The following NCOA2 variants were observed in gnomAD, a reference collection of about 807,000 sequenced individuals.
The protein encoded by NCOA2 is class E basic helix-loop-helix protein 75.
Under a neutral mutation model 145.1 loss-of-function variants are expected in NCOA2, and 21 were observed. That is an observed-to-expected ratio of 0.14 (90% CI 0.10 to 0.21). The LOEUF (loss-of-function observed/expected upper bound fraction) is 0.21. NCOA2 is among the 10% of genes least tolerant of loss of function. The pLI is 1.00. For missense variants in NCOA2, 1,472 were observed against 1,837.6 expected (o/e 0.80, Z 3.64); for synonymous variants, 619 against 637.5 (o/e 0.97, Z 0.44).
Position 70,144,790 on chromosome 8 carries a change from T to C in NCOA2, c.2664A>G (p.Pro888=), listed in dbSNP as rs1469406725. 1 of 1,613,942 alleles carries C rather than the reference T, an allele frequency of 6.2e-7. No individual in the cohort carries two copies. The highest frequency in any genetic ancestry group is 1.1e-5 in the South Asian group (1 of 91,080). ...LGRLLPNQNL[P]LDITLQSPTG... is the part of the protein sequence containing the mutation. ...TTGGGCTTTGCAATGTGATGTCAAG[T>C]GGTAAATTCTGGTTTGGCAATAACC... The change falls in exon 13 of 23, where the codon CCA becomes CCG. Residue 888 remains proline, a synonymous_variant. Coordinates refer to ENST00000452400, the MANE Select transcript of NCOA2 (RefSeq NM_006540.4).
intron 22 of NCOA2, among the ~76,000 whole-genome samples, chr8:70,114,414 G>T (rs995159472): frequency 1.3e-5 from 2 of 152,184 alleles, no homozygotes; most frequent in Non-Finnish European, 2.9e-5. Context: ...AAATTATGTG[G>T]CGTTGTTTCT....
the NCOA2 span, among the ~76,000 whole-genome samples, chr8:70,436,841 A>G: frequency 6.6e-6 from 1 of 152,238 alleles, no homozygotes; most frequent in African/African-American, 2.4e-5. Flanking sequence ...CGACACAGGT[A>G]TGACCACCGT....
chr8:70,248,979 C>T (rs555545325), intron 2 of NCOA2, among the ~76,000 whole-genome samples: 41 of 152,088 alleles, frequency 2.7e-4, no homozygotes, highest in African/African-American at 9.6e-4. Context: ...TTGTGATGAA[C>T]AGAATTCTGA....
At chr8:70,126,650 C>G in intron 19 of NCOA2, 163 bp downstream of exon 19, 1 of 650,318 alleles carries the variant, frequency 1.5e-6, no homozygotes, top group Non-Finnish European at 2.7e-6. Flanking sequence ...TTGGGGACTC[C>G]TCACAGGCCC....
the NCOA2 span, among the ~76,000 whole-genome samples, chr8:70,423,792 T>C: frequency 2.6e-5 from 4 of 152,070 alleles, no homozygotes; most frequent in East Asian, 1.9e-4. Flanking sequence ...TAAAATTGGG[T>C]TCAATCCACC....
At chr8:70,456,239 C>T in the NCOA2 span, among the ~76,000 whole-genome samples, 1 of 152,094 alleles carries the variant, frequency 6.6e-6, no homozygotes. Context: ...TTCTACACGT[C>T]TAAACTTCGA....
Position 70,121,363 on chromosome 8 carries a change from T to A in NCOA2, c.4322A>T (p.Asn1441Ile). 6.2e-7 allele frequency: 1 copy of A among 1,612,672 alleles called. No homozygotes were observed. The part of the protein sequence containing the change: ...QVNDPALRGG[N>I]LFPNQLPGMD... ...TCCAGGCAGCTGGTTTGGGAACAGG[T>A]TGCCTCCCCTCAGAGCAGGATCATT... Residue 1441 changes from asparagine to isoleucine, a missense_variant, in exon 22 of 23, where the codon AAC becomes ATC. Coordinates refer to ENST00000452400, the MANE Select transcript of NCOA2 (RefSeq NM_006540.4).
chr8:70,295,482 T>A (rs1195040509), intron 2 of NCOA2, among the ~76,000 whole-genome samples: 1 of 152,200 alleles, frequency 6.6e-6, no homozygotes, highest in Non-Finnish European at 1.5e-5. Flanking sequence ...GTAAGAACCT[T>A]CTGGGACAGT....
intron 1 of NCOA2, among the ~76,000 whole-genome samples, chr8:70,338,225 G>C (rs1460449079): frequency 6.6e-6 from 1 of 151,926 alleles, no homozygotes. Flanking sequence ...ATCTAGAGAA[G>C]AATCAAATAA....
At chr8:70,200,537 A>G (rs1026599212) in intron 4 of NCOA2, among the ~76,000 whole-genome samples, 34 of 152,196 alleles carry the variant, frequency 2.2e-4, no homozygotes, top group African/African-American at 7.7e-4. Context: ...GGGTTTCCTG[A>G]CTGACAAAAT....
chr8:70,255,693 G>T (rs1823580425), intron 2 of NCOA2, among the ~76,000 whole-genome samples: 1 of 152,124 alleles, frequency 6.6e-6, no homozygotes, highest in African/African-American at 2.4e-5. Flanking sequence ...TCACTTTTAA[G>T]CCTGTATGTG....
At chr8:70,123,775 T>C (rs1808091172) in intron 21 of NCOA2, 109 bp downstream of exon 21, 3 of 844,706 alleles carry the variant, frequency 3.6e-6, no homozygotes, top group South Asian at 4.9e-5. Flanking sequence ...TCAAAGTAAA[T>C]GTGGGAGTTG....
intron 1 of NCOA2, among the ~76,000 whole-genome samples, chr8:70,385,999 C>A (rs971628289): frequency 6.6e-6 from 1 of 152,158 alleles, no homozygotes; most frequent in Non-Finnish European, 1.5e-5. Flanking sequence ...TTTCTTAATA[C>A]GCAAGAGTGA....
At chr8:70,123,333 CA>C (rs1808038512) in intron 21 of NCOA2, among the ~76,000 whole-genome samples, 1 of 152,130 alleles carries the variant, frequency 6.6e-6, no homozygotes, top group Non-Finnish European at 1.5e-5. Context: ...TCTGGTTTTA[CA>C]CTTAGAAATA....
intron 2 of NCOA2, among the ~76,000 whole-genome samples, chr8:70,278,727 G>C (rs1424348258): frequency 6.6e-6 from 1 of 152,116 alleles, no homozygotes; most frequent in African/African-American, 2.4e-5. Flanking sequence ...AGCATTTTGG[G>C]AGGCTGAGGT....
intron 2 of NCOA2, among the ~76,000 whole-genome samples, chr8:70,283,823 C>A (rs35395175): frequency 0.11 from 15,973 of 152,076 alleles, 1,279 homozygotes; most frequent in East Asian, 0.41. Context: ...AAATCCTGTA[C>A]GTTCCAGTGA....
At chr8:70,152,484 A>G (rs1380038692) in intron 11 of NCOA2, among the ~76,000 whole-genome samples, 1 of 152,250 alleles carries the variant, frequency 6.6e-6, no homozygotes, top group Admixed American at 6.5e-5. Flanking sequence ...TCAGTTTAAA[A>G]TATGGTTTGC....
chr8:70,413,965 G>T, the NCOA2 span, among the ~76,000 whole-genome samples: 1 of 152,052 alleles, frequency 6.6e-6, no homozygotes, highest in Non-Finnish European at 1.5e-5. Flanking sequence ...CTCTTAAACC[G>T]AGTGGTAGGT....
intron 2 of NCOA2, among the ~76,000 whole-genome samples, chr8:70,267,801 A>G (rs149695627): frequency 2.6e-5 from 4 of 152,220 alleles, no homozygotes; most frequent in Non-Finnish European, 4.4e-5. Context: ...TATTTATCAC[A>G]TAAGGCACAA....
Sources: gnomAD v4.1 joint callset for allele counts (sites outside exome capture counted in the v4.1 genomes callset) on GRCh38, gnomAD v4.1.1 for gene constraint, MANE v1.5 for transcripts, NCBI Gene and HGNC (gene_info 2026-07-23, HGNC 2026-07-21) for gene names.